Variants in RNGTT observed in about 807,000 individuals in gnomAD.
The protein encoded by RNGTT is mRNA-capping enzyme.
In RNGTT, 33 loss-of-function variants were observed where a neutral mutation model predicts 79.3. The observed-to-expected ratio is 0.42, with a 90% CI of 0.32 to 0.56. The LOEUF is 0.56. Ranked by LOEUF, RNGTT falls within the 20% of genes least tolerant of loss-of-function variation. The pLI, the probability that RNGTT is intolerant of heterozygous loss-of-function variation, is 0.17. For missense variants in RNGTT, 497 were observed against 739.1 expected (o/e 0.67, Z 3.80); for synonymous variants, 222 against 235.9 (o/e 0.94, Z 0.54).
intron 12 of RNGTT, among the ~76,000 whole-genome samples, chr6:88,791,739 C>T (rs1374999444): frequency 1.3e-5 from 2 of 151,948 alleles, no homozygotes; most frequent in Non-Finnish European, 2.9e-5. Flanking sequence ...CAGGGTTTCA[C>T]CACGTTAGCC....
chr6:88,842,999 CAGG>C (rs1781347967), intron 11 of RNGTT, among the ~76,000 whole-genome samples: 1 of 152,038 alleles, frequency 6.6e-6, no homozygotes, highest in Non-Finnish European at 1.5e-5. Flanking sequence ...CACTTGACCC[CAGG>C]AGGTCAAGGC....
intron 11 of RNGTT, 92 bp downstream of exon 11, chr6:88,844,265 A>T: frequency 8.1e-7 from 1 of 1,239,060 alleles, no homozygotes; most frequent in Non-Finnish European, 1.1e-6. Context: ...CAAAGTCAAG[A>T]CAACTGGGCA....
At chr6:88,870,611 G>C (rs1782323228) in intron 8 of RNGTT, among the ~76,000 whole-genome samples, 1 of 151,416 alleles carries the variant, frequency 6.6e-6, no homozygotes, top group South Asian at 2.1e-4. Context: ...TCCTGATACA[G>C]AAAAAACACT....
intron 13 of RNGTT, among the ~76,000 whole-genome samples, chr6:88,713,633 A>G (rs1776395448): frequency 6.6e-6 from 1 of 152,162 alleles, no homozygotes; most frequent in Admixed American, 6.5e-5. Flanking sequence ...TATGTACTAT[A>G]TTTATGTTTG....
At chr6:88,900,442 G>T (rs1783410039) in intron 6 of RNGTT, among the ~76,000 whole-genome samples, 1 of 152,090 alleles carries the variant, frequency 6.6e-6, no homozygotes, top group Admixed American at 6.6e-5. Flanking sequence ...GCCAAGATAG[G>T]TCAGAAGAAA....
At chr6:88,853,335 T>C (rs1205066794) in intron 9 of RNGTT, among the ~76,000 whole-genome samples, 1 of 151,920 alleles carries the variant, frequency 6.6e-6, no homozygotes, top group East Asian at 1.9e-4. Context: ...TGAAACACCT[T>C]CTCTACTAAA....
intron 13 of RNGTT, among the ~76,000 whole-genome samples, chr6:88,757,170 G>C (rs1254029256): frequency 6.6e-6 from 1 of 152,142 alleles, no homozygotes; most frequent in Non-Finnish European, 1.5e-5. Context: ...CCGAAAACCA[G>C]AGGATCTCAG....
At chr6:88,692,695 G>A (rs1775526011) in intron 13 of RNGTT, among the ~76,000 whole-genome samples, 1 of 152,040 alleles carries the variant, frequency 6.6e-6, no homozygotes, top group Admixed American at 6.6e-5. Flanking sequence ...TGATGGACAT[G>A]TTTATCATCT....
intron 8 of RNGTT, among the ~76,000 whole-genome samples, chr6:88,867,291 C>T (rs12176316): frequency 0.041 from 6,244 of 151,776 alleles, 190 homozygotes; most frequent in African/African-American, 0.077. Flanking sequence ...GAGACCAGCC[C>T]GGCCAACATG....
intron 14 of RNGTT, among the ~76,000 whole-genome samples, chr6:88,669,916 C>T (rs1374041818): frequency 6.6e-6 from 1 of 152,186 alleles, no homozygotes; most frequent in Non-Finnish European, 1.5e-5. Context: ...CAAGATGGTT[C>T]GTGGGGATAC....
intron 14 of RNGTT, among the ~76,000 whole-genome samples, chr6:88,626,057 G>A (rs964154544): frequency 6.6e-6 from 1 of 151,988 alleles, no homozygotes; most frequent in Non-Finnish European, 1.5e-5. Context: ...TATGAAGTAG[G>A]TATTAATATC....
intron 14 of RNGTT, among the ~76,000 whole-genome samples, chr6:88,628,452 T>G (rs1391827403): frequency 6.6e-6 from 1 of 152,178 alleles, no homozygotes. Context: ...TGTGTATGTG[T>G]GAACATTCAC....
At chr6:88,819,344 G>A (rs994113668) in intron 11 of RNGTT, among the ~76,000 whole-genome samples, 8 of 152,024 alleles carry the variant, frequency 5.3e-5, no homozygotes, top group African/African-American at 1.2e-4. Flanking sequence ...AAGGCAAGGC[G>A]GGGCTCATGA....
intron 10 of RNGTT, among the ~76,000 whole-genome samples, chr6:88,848,463 T>C (rs1171073071): frequency 7.0e-6 from 1 of 143,852 alleles, no homozygotes; most frequent in Non-Finnish European, 1.5e-5. Flanking sequence ...GAAACCTTAA[T>C]GTTCATCAAA....
intron 8 of RNGTT, among the ~76,000 whole-genome samples, chr6:88,877,577 G>A (rs1193660688): frequency 1.3e-5 from 2 of 152,024 alleles, no homozygotes; most frequent in Non-Finnish European, 2.9e-5. Flanking sequence ...AACCTCAGAC[G>A]CCACACCAGA....
chr6:88,839,014 T>G (rs1042185603), intron 11 of RNGTT, among the ~76,000 whole-genome samples: 1 of 151,396 alleles, frequency 6.6e-6, no homozygotes, highest in Admixed American at 6.6e-5. Flanking sequence ...GAGAAAAGGA[T>G]AGTCTCTTCA....
chr6:88,674,214 T>A (rs952523185), intron 14 of RNGTT, among the ~76,000 whole-genome samples: 6 of 152,210 alleles, frequency 3.9e-5, no homozygotes, highest in African/African-American at 1.4e-4. Flanking sequence ...GAGGTGCTAA[T>A]GCTATGGTAA....
chr6:88,886,618 CAA>C (rs1782870958), intron 8 of RNGTT, among the ~76,000 whole-genome samples: 1 of 152,070 alleles, frequency 6.6e-6, no homozygotes, highest in South Asian at 2.1e-4. Flanking sequence ...TATTAGAGAT[CAA>C]AAACTGCAAC....
intron 14 of RNGTT, among the ~76,000 whole-genome samples, chr6:88,654,921 G>A (rs181454488): frequency 9.8e-5 from 15 of 152,304 alleles, no homozygotes; most frequent in Non-Finnish European, 1.9e-4. Flanking sequence ...CACATTACAT[G>A]TATATAAATA....
Sources: gnomAD v4.1 joint callset for allele counts (sites outside exome capture counted in the v4.1 genomes callset) on GRCh38, gnomAD v4.1.1 for gene constraint, MANE v1.5 for transcripts, NCBI Gene and HGNC (gene_info 2026-07-23, HGNC 2026-07-21) for gene names.